Variants in SCN7A observed in about 807,000 individuals in gnomAD.
SCN7A encodes the protein sodium voltage-gated channel alpha subunit 7.
In SCN7A, 138 loss-of-function variants were observed where a neutral mutation model predicts 155.2. The ratio of observed to expected loss-of-function variants is 0.89; its 90% confidence interval spans 0.77 to 1.02. The LOEUF (loss-of-function observed/expected upper bound fraction) is 1.02, where lower values mean the gene tolerates loss of function less well. Ranked by LOEUF, SCN7A falls within the 50% of genes least tolerant of loss-of-function variation. The pLI is 0.00. For synonymous variants in SCN7A, 693 were observed against 649.0 expected (o/e 1.07, Z -1.03); for missense variants, 2,058 against 1,986.6 (o/e 1.04, Z -0.68).
chr2:166,441,272 T>C (rs1271778134), intron 15 of SCN7A, 124 bp downstream of exon 15: 4 of 623,800 alleles, frequency 6.4e-6, no homozygotes, highest in Non-Finnish European at 1.1e-5. Flanking sequence ...CACATCTGGC[T>C]AGTGGGTTAC....
At chr2:166,448,921 T>A (rs1022058019) in intron 11 of SCN7A, among the ~76,000 whole-genome samples, 1 of 152,204 alleles carries the variant, frequency 6.6e-6, no homozygotes. Context: ...TCTTGAAGAA[T>A]AACAAGTAAT....
At position 166,413,188 on chromosome 2, in the gene SCN7A, T is replaced by C; in HGVS notation, c.3415-67A>G. The C allele has an allele frequency of 4.5e-6, 4 of 888,716 alleles. No individual in the cohort carries two copies. In the South Asian group the frequency reaches 6.7e-5, roughly 15 times the overall value. The allele number at this position is 888,716 out of a possible 1,614,324, so 55.1% of individuals were successfully genotyped here. ...AATAAAAAGTAAAATCTCAGTCTCT[T>C]ATTAGTGCACTGAAATATTTGACAT... On this transcript the variant is annotated intron_variant, in intron 21 of 25. Transcript: ENST00000643258.
chr2:166,428,172 T>C (rs1338828102), intron 17 of SCN7A, among the ~76,000 whole-genome samples: 7 of 152,134 alleles, frequency 4.6e-5, no homozygotes, highest in Middle Eastern at 3.4e-3. Flanking sequence ...AGAAAGGCAT[T>C]GTGAAAGGCA....
intron 25 of SCN7A, among the ~76,000 whole-genome samples, chr2:166,407,411 G>A (rs886858208): frequency 6.6e-6 from 1 of 151,972 alleles, no homozygotes; most frequent in Admixed American, 6.6e-5. Context: ...ATTTTGAGTT[G>A]AGAAGGTAGT....
chr2:166,445,197 C>T (rs1702036974), intron 12 of SCN7A, among the ~76,000 whole-genome samples, 197 bp from the exon 13 acceptor site: 1 of 151,770 alleles, frequency 6.6e-6, no homozygotes, highest in African/African-American at 2.4e-5. Flanking sequence ...ATGCCTGTAA[C>T]CCCAGCTACT....
intron 15 of SCN7A, among the ~76,000 whole-genome samples, chr2:166,435,329 T>C (rs1169299434): frequency 6.6e-6 from 1 of 152,066 alleles, no homozygotes; most frequent in Admixed American, 6.6e-5. Context: ...GAGCAGAAAA[T>C]GCAGAGATTT....
intron 19 of SCN7A, among the ~76,000 whole-genome samples, chr2:166,422,107 T>C (rs2105391695): frequency 6.6e-6 from 1 of 152,242 alleles, no homozygotes; most frequent in African/African-American, 2.4e-5. Context: ...TGGCTAGAGC[T>C]GAAGGCTAAT....
Position 166,447,666 on chromosome 2 carries a change from A to T in SCN7A, c.1333T>A (p.Ser445Thr), listed in dbSNP as rs1702092874. ...AACACATCCAATGATGTGTCTGTGG[A>T]AATTGGTGACCTTTTCTTCATTTCT... is the stretch of plus-strand genomic sequence containing the variant. ...QIEMKKRSPI[S>T]TDTSLDVLED... The change falls in exon 12 of 26, where the codon TCC becomes ACC. Residue 445 changes from serine (S) to threonine (T), a missense_variant. Physicochemically the swap from Ser to Thr is moderately conservative, Grantham distance 58 (BLOSUM62 1). Transcript: ENST00000643258. The T allele has an allele frequency of 6.2e-7, 1 of 1,613,216 alleles. No homozygotes were observed. The highest frequency in any genetic ancestry group is 1.3e-5 in the African/African-American group (1 of 74,876).
intron 18 of SCN7A, among the ~76,000 whole-genome samples, chr2:166,427,161 C>A (rs997772194): frequency 1.3e-5 from 2 of 152,074 alleles, no homozygotes; most frequent in East Asian, 1.9e-4. Context: ...AATAGCTGCA[C>A]AGAGTTCCAT....
intron 10 of SCN7A, chr2:166,462,184 G>T: frequency 2.9e-5 from 11 of 380,752 alleles, no homozygotes; most frequent in East Asian, 1.7e-4. Context: ...TTGTAGAATT[G>T]TTTCAAAGAT....
At chr2:166,432,193 G>C (rs778470246) in intron 16 of SCN7A, 125 bp downstream of exon 16, 9 of 682,062 alleles carry the variant, frequency 1.3e-5, no homozygotes, top group African/African-American at 3.6e-5. Flanking sequence ...AAGAGTGATG[G>C]AGCTAGGAGT....
intron 11 of SCN7A, among the ~76,000 whole-genome samples, chr2:166,452,806 T>C (rs1702200801): frequency 6.6e-6 from 1 of 152,152 alleles, no homozygotes; most frequent in Non-Finnish European, 1.5e-5. Context: ...TATAGATCAA[T>C]CTCTGCAGCT....
intron 21 of SCN7A, among the ~76,000 whole-genome samples, chr2:166,416,174 G>T (rs1701372284): frequency 6.6e-6 from 1 of 152,102 alleles, no homozygotes; most frequent in South Asian, 2.1e-4. Context: ...GGTCAGACAG[G>T]TTCTCTGCTC....
At chr2:166,408,798 G>A (rs1420866755) in intron 25 of SCN7A, among the ~76,000 whole-genome samples, 1 of 151,876 alleles carries the variant, frequency 6.6e-6, no homozygotes, top group African/African-American at 2.4e-5. Context: ...CTTAAATATT[G>A]TTCCTACTCT....
intron 1 of SCN7A, among the ~76,000 whole-genome samples, chr2:166,492,476 C>A (rs1399836137): frequency 6.6e-6 from 1 of 152,082 alleles, no homozygotes; most frequent in African/African-American, 2.4e-5. Context: ...GGACTACAGA[C>A]CTAAAATCAA....
chr2:166,433,629 T>G (rs1237557368), intron 15 of SCN7A, among the ~76,000 whole-genome samples: 1 of 152,154 alleles, frequency 6.6e-6, no homozygotes, highest in Admixed American at 6.6e-5. Flanking sequence ...TCAAGCTGTC[T>G]CACCCAAGGT....
In SCN7A at chr2:166,465,459, T is replaced by C; in HGVS notation, c.941+3A>G. 1 of 1,601,128 alleles carries C rather than the reference T, an allele frequency of 6.2e-7. No homozygotes were observed. Among genetic ancestry groups the C allele is most frequent in the Non-Finnish European group, 8.5e-7 (1 of 1,169,974 alleles). On this transcript the variant is annotated splice_donor_region_variant and intron_variant, in intron 9 of 25. Coordinates refer to ENST00000643258, the MANE Select transcript of SCN7A (RefSeq NM_002976.4). Reference sequence around the variant, plus strand: ...TTAATAGAATAAAACTAATACCACCTACCCAGCATCTGTCCTGTTGCCACA... The same window carrying C: ...TTAATAGAATAAAACTAATACCACCCACCCAGCATCTGTCCTGTTGCCACA...
At chr2:166,454,311 A>G (rs982236495) in intron 11 of SCN7A, among the ~76,000 whole-genome samples, 11 of 152,318 alleles carry the variant, frequency 7.2e-5, no homozygotes, top group African/African-American at 2.6e-4. Flanking sequence ...TTACTCATAT[A>G]TAATGGGAAT....
intron 2 of SCN7A, among the ~76,000 whole-genome samples, chr2:166,481,557 C>G (rs944114206): frequency 1.3e-5 from 2 of 152,048 alleles, no homozygotes; most frequent in African/African-American, 4.8e-5. Flanking sequence ...AACTGCAATA[C>G]AAATCAATAC....
Sources: allele counts gnomAD v4.1 joint callset (sites outside exome capture counted in the v4.1 genomes callset), GRCh38; gene constraint gnomAD v4.1.1; transcripts MANE v1.5; gene names NCBI Gene and HGNC (gene_info 2026-07-23, HGNC 2026-07-21).